MKLN1: variants seen among roughly 807,000 people sequenced by gnomAD.
MKLN1 encodes muskelin 1, also known as muskelin.
Under a neutral mutation model 99.0 loss-of-function variants are expected in MKLN1, and 18 were observed. That is an observed-to-expected ratio of 0.18 (90% CI 0.13 to 0.27). The LOEUF (loss-of-function observed/expected upper bound fraction) is 0.27, where lower values mean the gene tolerates loss of function less well. MKLN1 is among the 10% of genes least tolerant of loss of function. The pLI is 1.00. For synonymous variants in MKLN1, 288 were observed against 293.2 expected (o/e 0.98, Z 0.18); for missense variants, 621 against 875.9 (o/e 0.71, Z 3.67).
At position 131,418,369 on chromosome 7, in the gene MKLN1, CAAAAAAAAAAA is replaced by C. The variant is rs943898750; in HGVS notation, c.847+3672_847+3682del. ...GGGAGACAAGAGCAAGACTTCGTCT[CAAAAAAAAAAA>C]AAAAAAAAAAAAGAGAGATAAATCA... On this transcript the variant is annotated intron_variant, in intron 8 of 17. Transcript: ENST00000352689. 1.3e-4 allele frequency among the ~76,000 whole-genome samples: 7 copies of C among 54,794 alleles called. No individual in the cohort carries two copies. The South Asian group carries it at 2.1e-3, about 16-fold the overall frequency. 35.9% of individuals were successfully genotyped at this position (54,794 alleles called of 152,430 possible).
chr7:131,205,938 G>A (rs1024779057), intron 3 of MKLN1, among the ~76,000 whole-genome samples: 50 of 149,564 alleles, frequency 3.3e-4, no homozygotes, highest in African/African-American at 1.2e-3. Context: ...CTGTCACCCA[G>A]GCTGGAGCGC....
chr7:131,329,186 C>T (rs1447962680), intron 1 of MKLN1, among the ~76,000 whole-genome samples: 4 of 152,180 alleles, frequency 2.6e-5, no homozygotes, highest in Non-Finnish European at 5.9e-5. Context: ...AATTTGATTT[C>T]ACTGGTTATA....
At chr7:131,406,287 TTAAA>T (rs1794704632) in intron 6 of MKLN1, among the ~76,000 whole-genome samples, 1 of 151,708 alleles carries the variant, frequency 6.6e-6, no homozygotes, top group African/African-American at 2.4e-5. Flanking sequence ...TAAATTTTAT[TTAAA>T]TAAAGAAAAT....
chr7:131,393,425 AAATT>A (rs1794264669), intron 4 of MKLN1, among the ~76,000 whole-genome samples: 2 of 152,164 alleles, frequency 1.3e-5, no homozygotes, highest in African/African-American at 2.4e-5. Context: ...AGTCTGTTGA[AAATT>A]AATTATATTG....
intron 3 of MKLN1, among the ~76,000 whole-genome samples, chr7:131,277,066 G>A (rs1797985217): frequency 6.6e-6 from 1 of 152,112 alleles, no homozygotes; most frequent in Non-Finnish European, 1.5e-5. Context: ...CTCAATGAAA[G>A]CTCACTAAAT....
intron 11 of MKLN1, among the ~76,000 whole-genome samples, chr7:131,444,026 C>G (rs1194583071): frequency 6.6e-6 from 1 of 152,066 alleles, no homozygotes; most frequent in Non-Finnish European, 1.5e-5. Flanking sequence ...TTACTCTGTT[C>G]TTATTTTCCC....
intron 3 of MKLN1, among the ~76,000 whole-genome samples, chr7:131,315,054 A>G (rs1418981852): frequency 6.6e-6 from 1 of 152,098 alleles, no homozygotes; most frequent in Non-Finnish European, 1.5e-5. Context: ...ATCAGCCACC[A>G]TGCCTGCGTG....
chr7:131,253,733 T>C (rs1411083326), intron 3 of MKLN1, among the ~76,000 whole-genome samples: 2 of 152,164 alleles, frequency 1.3e-5, no homozygotes, highest in Admixed American at 6.5e-5. Flanking sequence ...CTGAAGCTCT[T>C]CCAAAAGGAA....
At chr7:131,432,822 T>G (rs776697351) in intron 9 of MKLN1, among the ~76,000 whole-genome samples, 4 of 152,232 alleles carry the variant, frequency 2.6e-5, no homozygotes, top group Non-Finnish European at 5.9e-5. Flanking sequence ...ATTCATATGC[T>G]TCTTTATTCA....
chr7:131,146,447 G>A (rs185215652), intron 2 of MKLN1, among the ~76,000 whole-genome samples: 76 of 152,226 alleles, frequency 5.0e-4, no homozygotes, highest in Middle Eastern at 3.4e-3. Context: ...TAATCAAACC[G>A]AGGAGTTTAT....
At chr7:131,403,119 TTAGTA>T (rs1479243806) in intron 6 of MKLN1, among the ~76,000 whole-genome samples, 4 of 152,210 alleles carry the variant, frequency 2.6e-5, no homozygotes, top group African/African-American at 9.6e-5. Flanking sequence ...GAAAATCTGT[TTAGTA>T]TAGTTACCTT....
At chr7:131,416,333 TAAGA>T (rs1290984378) in intron 8 of MKLN1, among the ~76,000 whole-genome samples, 2 of 152,144 alleles carry the variant, frequency 1.3e-5, no homozygotes, top group African/African-American at 4.8e-5. Flanking sequence ...AGTACATGTG[TAAGA>T]AAGACAAAAA....
chr7:131,321,190 C>T (rs1379243106), intron 3 of MKLN1, among the ~76,000 whole-genome samples: 1 of 152,082 alleles, frequency 6.6e-6, no homozygotes, highest in African/African-American at 2.4e-5. Context: ...AAATGCCCAT[C>T]AATGACAAGC....
intron 2 of MKLN1, among the ~76,000 whole-genome samples, chr7:131,154,892 G>T (rs977732431): frequency 2.6e-5 from 4 of 152,112 alleles, no homozygotes; most frequent in African/African-American, 9.7e-5. Context: ...GATTAGTTTT[G>T]TCAGATCACC....
At chr7:131,289,831 C>T (rs542934083) in intron 3 of MKLN1, among the ~76,000 whole-genome samples, 1 of 152,188 alleles carries the variant, frequency 6.6e-6, no homozygotes, top group African/African-American at 2.4e-5. Flanking sequence ...AAATATTTCC[C>T]CCCATTCACT....
intron 1 of MKLN1, among the ~76,000 whole-genome samples, chr7:131,355,225 C>A (rs1563308141): frequency 1.3e-5 from 2 of 152,128 alleles, no homozygotes; most frequent in Non-Finnish European, 2.9e-5. Context: ...TACTCTTTTT[C>A]AGGGTTTCTT....
intron 1 of MKLN1, among the ~76,000 whole-genome samples, chr7:131,139,380 T>C (rs1795698355): frequency 6.6e-6 from 1 of 151,648 alleles, no homozygotes; most frequent in South Asian, 2.1e-4. Context: ...CTGGTGTCCA[T>C]CCATTAGGCC....
chr7:131,248,572 C>A (rs1045183940), intron 3 of MKLN1, among the ~76,000 whole-genome samples: 2 of 152,128 alleles, frequency 1.3e-5, no homozygotes, highest in African/African-American at 4.8e-5. Flanking sequence ...TGAGATTGTG[C>A]CTTTGTGTTG....
At chr7:131,446,387 C>T (rs1009790147) in intron 12 of MKLN1, among the ~76,000 whole-genome samples, 2 of 152,160 alleles carry the variant, frequency 1.3e-5, no homozygotes, top group Admixed American at 6.6e-5. Flanking sequence ...ATTGCCCTGG[C>T]ATAATTATTA....
Sources: gnomAD v4.1 joint callset for allele counts (sites outside exome capture counted in the v4.1 genomes callset) on GRCh38, gnomAD v4.1.1 for gene constraint, MANE v1.5 for transcripts, NCBI Gene and HGNC (gene_info 2026-07-23, HGNC 2026-07-21) for gene names.